Variants in NLRP14 observed in about 807,000 individuals in gnomAD.
NLRP14 encodes NACHT, LRR and PYD domains-containing protein 14.
A neutral mutation model predicts 94.7 loss-of-function variants in NLRP14; 105 were observed. The ratio of observed to expected loss-of-function variants is 1.11; its 90% CI spans 0.95 to 1.30. The LOEUF is 1.30. NLRP14 is among the 50% of genes most tolerant of loss of function. The probability of loss-of-function intolerance (pLI) is 0.00; values close to 1 mark genes in which losing one functional copy is unlikely to be tolerated. For missense variants in NLRP14, 1,362 were observed against 1,254.1 expected (o/e 1.09, Z -1.30); for synonymous variants, 508 against 459.9 (o/e 1.10, Z -1.34).
At position 7,038,731 on chromosome 11, in the gene NLRP14, G is replaced by A; in HGVS notation, c.145G>A (p.Glu49Lys). 2.5e-6 allele frequency: 4 copies of A among 1,614,090 alleles called. No homozygotes were observed. In the Admixed American group the frequency reaches 6.7e-5, roughly 27 times the overall value. The change falls in exon 2 of 12, where the codon GAA becomes AAA. Residue 49 changes from glutamate to lysine, a missense_variant. Physicochemically the swap from Glu to Lys is moderately conservative, Grantham distance 56. Transcript: ENST00000299481. ...TGAGCATGGCCTGACACCCTGGAAT[G>A]AAGTGAAGAAGGCCAGGCGGGAGGA... ...EPEHGLTPWN[E>K]VKKARREDLA...
chr11:7,023,365 A>C (rs1196858158), intron 1 of NLRP14, among the ~76,000 whole-genome samples: 1 of 146,562 alleles, frequency 6.8e-6, no homozygotes, highest in Non-Finnish European at 1.5e-5. Flanking sequence ...TACATATATA[A>C]ATATATATAT....
intron 5 of NLRP14, among the ~76,000 whole-genome samples, chr11:7,047,729 AT>A (rs999587927): frequency 1.5e-5 from 2 of 135,516 alleles, no homozygotes; most frequent in Admixed American, 7.1e-5. Flanking sequence ...TACAGTATGT[AT>A]TTTTTTTAAT....
chr11:7,059,845 G>A, intron 8 of NLRP14, 49 bp from the exon 9 acceptor site: 1 of 1,486,396 alleles, frequency 6.7e-7, no homozygotes, highest in Non-Finnish European at 9.3e-7. Context: ...AGAAATCTCT[G>A]GACAGTAGAG....
intron 10 of NLRP14, among the ~76,000 whole-genome samples, chr11:7,067,070 T>C (rs978867110): frequency 6.6e-6 from 1 of 152,188 alleles, no homozygotes; most frequent in African/African-American, 2.4e-5. Context: ...TATATCTGTT[T>C]TGGTACCAGT....
At chr11:7,086,545 G>T in the NLRP14 span, among the ~76,000 whole-genome samples, 2 of 152,328 alleles carry the variant, frequency 1.3e-5, no homozygotes, top group East Asian at 3.9e-4. Context: ...GAATTTATAT[G>T]CCTTGTGTTT....
At chr11:7,038,950 TA>T in intron 2 of NLRP14, 75 bp downstream of exon 2, 1 of 1,431,336 alleles carries the variant, frequency 7.0e-7, no homozygotes, top group Non-Finnish European at 9.6e-7. Flanking sequence ...AATGTTTCTG[TA>T]AGAGGGATTT....
chr11:7,046,728 A>T lies in NLRP14; in HGVS notation c.2019A>T (p.Glu673Asp), dbSNP rs1297342871. The T allele has an allele frequency of 1.2e-6, 2 of 1,613,506 alleles. No individual in the cohort carries two copies. Among genetic ancestry groups the T allele is most frequent in the Non-Finnish European group, 1.7e-6 (2 of 1,179,380 alleles). The change falls in exon 5 of 12, where the codon GAA becomes GAT. Residue 673 changes from glutamate to aspartate, a missense_variant. Physicochemically the swap from Glu to Asp is conservative, Grantham distance 45 (BLOSUM62 2). Transcript: ENST00000299481. ...TCTGTTCTGTGCTTCATACAAATGAACACTTGAGAGAATTGGACCTGTACC... is the reference window on the plus strand; with the variant it reads ...TCTGTTCTGTGCTTCATACAAATGATCACTTGAGAGAATTGGACCTGTACC... The part of the protein sequence containing the change: ...QDLCSVLHTN[E>D]HLRELDLYHS...
At position 7,062,361 on chromosome 11, in the gene NLRP14, T is replaced by C. The variant is rs774021790; in HGVS notation, c.2833T>C (p.Cys945Arg). Reference sequence around the variant, plus strand: ...GATGGGCTGTGTTCTCACTAATGCATGTTGTCTGGATCTGGCTTCTGTTAT... The same window carrying C: ...GATGGGCTGTGTTCTCACTAATGCACGTTGTCTGGATCTGGCTTCTGTTAT... The part of the protein sequence containing the change: ...ELMGCVLTNA[C>R]CLDLASVILN... The change falls in exon 10 of 12, where the codon TGT (cysteine) becomes CGT (arginine). Residue 945 changes from cysteine (C) to arginine (R), a missense_variant. Cys to Arg is a radical substitution (Grantham distance 180). Coordinates refer to ENST00000299481, the MANE Select transcript of NLRP14 (RefSeq NM_176822.4). The C allele has an allele frequency of 4.3e-6, 7 of 1,613,000 alleles. No individual in the cohort carries two copies. The highest frequency in any genetic ancestry group is 5.9e-6 in the Non-Finnish European group (7 of 1,179,296).
rs1851905295 is a variant in NLRP14, at chr11:7,020,571, G to A, written c.-221G>A. ...TAGGAGAACTCCCGAAGCTTTTAGG[G>A]CCCTGGGAAAGGGGGCGTGGCTGGA... On this transcript the variant is annotated 5_prime_UTR_variant, in exon 1 of 12. Transcript: ENST00000299481. 1 of 152,310 alleles carries A rather than the reference G, an allele frequency of 6.6e-6. No homozygotes were observed. The highest frequency in any genetic ancestry group is 2.4e-5 in the African/African-American group (1 of 41,464). The allele number at this position is 152,310 out of a possible 1,614,324, so 9.4% of individuals were successfully genotyped here.
At chr11:7,079,087 C>T in the NLRP14 span, among the ~76,000 whole-genome samples, 2 of 152,256 alleles carry the variant, frequency 1.3e-5, no homozygotes, top group Non-Finnish European at 2.9e-5. Context: ...CAATTCTTTG[C>T]ATTCTCCAAC....
Position 7,043,160 on chromosome 11 carries a change from T to C in NLRP14, c.1134T>C (p.Cys378=). 2 of 1,614,130 alleles carry C rather than the reference T, an allele frequency of 1.2e-6. No individual in the cohort carries two copies. Among genetic ancestry groups the C allele is most frequent in the Non-Finnish European group, 1.7e-6 (2 of 1,180,020 alleles). Residue 378 remains cysteine (C), a synonymous_variant, in exon 4 of 12, where the codon TGT becomes TGC. Transcript: ENST00000299481. The stretch of plus-strand genomic sequence containing the variant: ...TAGTGTGCTGGGCCGCTTGTACTTG[T>C]CTGAAGCAGCAAATGGAGAAGGGTG... The part of the protein sequence containing the change: ...VPLVCWAACT[C]LKQQMEKGGD...
chr11:7,033,162 A>G (rs1053324945), intron 1 of NLRP14, among the ~76,000 whole-genome samples: 2 of 152,202 alleles, frequency 1.3e-5, no homozygotes, highest in Admixed American at 6.5e-5. Context: ...TCTACTATAG[A>G]TGAACTCTTG....
At chr11:7,064,627 G>A (rs566423027) in intron 10 of NLRP14, among the ~76,000 whole-genome samples, 3 of 152,036 alleles carry the variant, frequency 2.0e-5, no homozygotes, top group Non-Finnish European at 2.9e-5. Flanking sequence ...CTTTGGTCTG[G>A]AGGAATCATA....
downstream of NLRP14, among the ~76,000 whole-genome samples, chr11:7,076,334 C>T (rs1852873483): frequency 6.6e-6 from 1 of 152,010 alleles, no homozygotes; most frequent in African/African-American, 2.4e-5. Flanking sequence ...TCAAAACTAA[C>T]TTTAGTTTTT....
chr11:7,052,643 A>G (rs1292069220), intron 6 of NLRP14, among the ~76,000 whole-genome samples: 1 of 152,186 alleles, frequency 6.6e-6, no homozygotes, highest in African/African-American at 2.4e-5. Context: ...AAAAAAAAAC[A>G]AAAACAAAGC....
At chr11:7,068,742 C>A (rs1174632255) in intron 10 of NLRP14, among the ~76,000 whole-genome samples, 1 of 152,166 alleles carries the variant, frequency 6.6e-6, no homozygotes, top group Admixed American at 6.5e-5. Flanking sequence ...CTGTAGACTT[C>A]AATCACCTAG....
In NLRP14 at chr11:7,066,976, TG is replaced by T. The variant is rs1440327774; in HGVS notation, c.2976-3309del. On this transcript the variant is annotated intron_variant, in intron 10 of 11. Coordinates refer to ENST00000299481, the MANE Select transcript of NLRP14 (RefSeq NM_176822.4). ...AATAGGGAATCCTTTCCCTATTGCT[TG>T]TTACTGTCAGGTTTGTCAAAGGTCA... Among the ~76,000 whole-genome samples the T allele has an allele frequency of 6.6e-5, 10 of 152,128 alleles. No homozygotes were observed. The East Asian group carries it at 1.9e-3, about 29-fold the overall frequency.
At chr11:7,037,873 G>C (rs761246105) in intron 1 of NLRP14, among the ~76,000 whole-genome samples, 1 of 152,218 alleles carries the variant, frequency 6.6e-6, no homozygotes, top group Non-Finnish European at 1.5e-5. Context: ...TGTCAAAGAC[G>C]TGAGATGAGG....
the NLRP14 span, chr11:7,090,123 C>T: frequency 1.2e-6 from 2 of 1,612,514 alleles, no homozygotes; most frequent in East Asian, 2.2e-5. Flanking sequence ...CCGGAGCGAC[C>T]GCTACTCGAG....
Sources: allele counts gnomAD v4.1 joint callset (sites outside exome capture counted in the v4.1 genomes callset), GRCh38; gene constraint gnomAD v4.1.1; transcripts MANE v1.5; gene names NCBI Gene and HGNC (gene_info 2026-07-23, HGNC 2026-07-21).